Variants in FNDC3B observed in about 807,000 individuals in gnomAD.
FNDC3B encodes fibronectin type III domain-containing protein 3B.
FNDC3B carries 12 observed loss-of-function variants against 151.5 expected under a neutral mutation model. The ratio of observed to expected loss-of-function variants is 0.08; its 90% CI spans 0.05 to 0.13. The LOEUF (loss-of-function observed/expected upper bound fraction) is 0.13. FNDC3B is among the 10% of genes least tolerant of loss of function. The pLI is 1.00. For missense variants in FNDC3B, 1,214 were observed against 1,505.3 expected (o/e 0.81, Z 3.20); for synonymous variants, 528 against 549.0 (o/e 0.96, Z 0.54).
At chr3:172,080,139 G>A (rs558078914) in intron 1 of FNDC3B, among the ~76,000 whole-genome samples, 3 of 152,288 alleles carry the variant, frequency 2.0e-5, no homozygotes, top group Admixed American at 6.5e-5. Flanking sequence ...TTCATTAATT[G>A]CCTTGTATCC....
At chr3:172,113,252 A>G (rs905926928) in intron 2 of FNDC3B, among the ~76,000 whole-genome samples, 3 of 152,226 alleles carry the variant, frequency 2.0e-5, no homozygotes, top group Non-Finnish European at 4.4e-5. Flanking sequence ...TTACAACTAG[A>G]TATTTTATCT....
At chr3:172,237,813 C>T (rs1727244798) in intron 4 of FNDC3B, among the ~76,000 whole-genome samples, 1 of 152,172 alleles carries the variant, frequency 6.6e-6, no homozygotes, top group Non-Finnish European at 1.5e-5. Flanking sequence ...TTTCAAGGAA[C>T]TTCTTCTTTT....
intron 3 of FNDC3B, among the ~76,000 whole-genome samples, chr3:172,172,604 C>G (rs1189693345): frequency 1.3e-5 from 2 of 152,146 alleles, no homozygotes; most frequent in East Asian, 3.8e-4. Flanking sequence ...CTATGGGAAT[C>G]CAGCAAAAAT....
intron 3 of FNDC3B, among the ~76,000 whole-genome samples, chr3:172,179,915 T>TA (rs1723803439): frequency 6.6e-6 from 1 of 151,290 alleles, no homozygotes; most frequent in Admixed American, 6.6e-5. Flanking sequence ...TACTGGGCCT[T>TA]AGTTTCGTTT....
At chr3:172,229,010 T>C (rs1204674264) in intron 4 of FNDC3B, among the ~76,000 whole-genome samples, 1 of 151,440 alleles carries the variant, frequency 6.6e-6, no homozygotes, top group Non-Finnish European at 1.5e-5. Flanking sequence ...AAATATAAAA[T>C]GTCTTAGTTG....
At chr3:172,188,409 C>CTTGTTTG (rs1724316802) in intron 3 of FNDC3B, among the ~76,000 whole-genome samples, 1 of 152,108 alleles carries the variant, frequency 6.6e-6, no homozygotes, top group African/African-American at 2.4e-5. Flanking sequence ...TTTTTTGTTT[C>CTTGTTTG]TTTGTTTGTT....
At chr3:172,303,458 T>C (rs1446879926) in intron 9 of FNDC3B, among the ~76,000 whole-genome samples, 1 of 152,234 alleles carries the variant, frequency 6.6e-6, no homozygotes, top group African/African-American at 2.4e-5. Context: ...CTGTGGCTCC[T>C]AGTATGTTAC....
intron 25 of FNDC3B, among the ~76,000 whole-genome samples, chr3:172,390,285 A>G (rs960363515): frequency 2.6e-5 from 4 of 152,370 alleles, no homozygotes; most frequent in East Asian, 1.9e-4. Flanking sequence ...AAAAACATTT[A>G]CAAATTAAAA....
At chr3:172,150,038 C>T (rs1320483975) in intron 3 of FNDC3B, among the ~76,000 whole-genome samples, 5 of 151,982 alleles carry the variant, frequency 3.3e-5, no homozygotes, top group East Asian at 1.9e-4. Context: ...AGGCTGGTCT[C>T]GAACTCCTGA....
In FNDC3B at chr3:172,084,472, T is replaced by TACAC. The variant is rs138156277; in HGVS notation, c.-28-27970_-28-27967dup. 4.5e-4 allele frequency among the ~76,000 whole-genome samples: 65 copies of TACAC among 143,632 alleles called. 1 individual carries two copies. The highest frequency in any genetic ancestry group is 1.1e-3 in the African/African-American group (43 of 38,342). 94.2% of individuals were successfully genotyped at this position (143,632 alleles called of 152,430 possible). On this transcript the variant is annotated intron_variant, in intron 1 of 25. Transcript: ENST00000415807. Reference sequence around the variant, plus strand: ...CTCAAAAAAAAAATATGTATATGTATACACACACACACATACACACACACA... The same window carrying TACAC: ...CTCAAAAAAAAAATATGTATATGTATACACACACACACACACATACACACACACA...
At chr3:172,257,812 G>A (rs1417847058) in intron 6 of FNDC3B, among the ~76,000 whole-genome samples, 1 of 152,138 alleles carries the variant, frequency 6.6e-6, no homozygotes, top group African/African-American at 2.4e-5. Flanking sequence ...ACTGAATACA[G>A]GCTGTGTAGG....
At chr3:172,395,072 C>CAAT (rs934134942) in intron 25 of FNDC3B, among the ~76,000 whole-genome samples, 1 of 152,140 alleles carries the variant, frequency 6.6e-6, no homozygotes, top group Non-Finnish European at 1.5e-5. Flanking sequence ...TTCTAAATAG[C>CAAT]AATAATAATA....
chr3:172,309,994 G>A (rs1022226516), intron 10 of FNDC3B, among the ~76,000 whole-genome samples: 1 of 152,128 alleles, frequency 6.6e-6, no homozygotes, highest in African/African-American at 2.4e-5. Flanking sequence ...TCCTAGGGAA[G>A]AGTCGGCCCT....
At chr3:172,292,580 C>T (rs1032142865) in intron 7 of FNDC3B, among the ~76,000 whole-genome samples, 2 of 152,226 alleles carry the variant, frequency 1.3e-5, no homozygotes, top group Non-Finnish European at 2.9e-5. Context: ...TGGCATTTGA[C>T]TGAGCTATTT....
intron 18 of FNDC3B, among the ~76,000 whole-genome samples, chr3:172,343,574 A>C (rs1484728129): frequency 2.0e-5 from 3 of 152,330 alleles, no homozygotes; most frequent in South Asian, 2.1e-4. Context: ...ATGTTTTTAC[A>C]GCATTGATTT....
chr3:172,268,742 T>C (rs939074040), intron 6 of FNDC3B, among the ~76,000 whole-genome samples: 1 of 152,228 alleles, frequency 6.6e-6, no homozygotes, highest in Non-Finnish European at 1.5e-5. Context: ...TCTCCAATCT[T>C]TCCATGCATT....
chr3:172,148,652 G>C (rs1291361768), intron 3 of FNDC3B: 2 of 152,078 alleles, frequency 1.3e-5, no homozygotes, highest in African/African-American at 4.8e-5. Context: ...GACTATTGTA[G>C]CAATTTAGAA....
intron 11 of FNDC3B, among the ~76,000 whole-genome samples, chr3:172,328,133 A>G (rs1307535264): frequency 6.6e-6 from 1 of 152,138 alleles, no homozygotes; most frequent in Non-Finnish European, 1.5e-5. Context: ...AGAGTGTTTT[A>G]TTTTTACTTT....
intron 22 of FNDC3B, among the ~76,000 whole-genome samples, chr3:172,357,148 T>C (rs1204669621): frequency 1.3e-5 from 2 of 152,204 alleles, no homozygotes; most frequent in South Asian, 4.1e-4. Context: ...AAGAATGTGG[T>C]TCTTTGATTT....
Sources: gnomAD v4.1 joint callset for allele counts (sites outside exome capture counted in the v4.1 genomes callset) on GRCh38, gnomAD v4.1.1 for gene constraint, MANE v1.5 for transcripts, NCBI Gene and HGNC (gene_info 2026-07-23, HGNC 2026-07-21) for gene names.